Variants in ANKS1A observed in about 807,000 individuals in gnomAD.
ANKS1A encodes ankyrin repeat and sterile alpha motif domain containing 1A, also known as ankyrin repeat and SAM domain-containing protein 1A.
In ANKS1A, 55 loss-of-function variants were observed where a neutral mutation model predicts 120.3. The observed-to-expected ratio is 0.46, with a 90% CI of 0.37 to 0.57. ANKS1A has a LOEUF of 0.57. ANKS1A is among the 20% of genes least tolerant of loss of function. ANKS1A has a pLI of 0.00. For synonymous variants in ANKS1A, 590 were observed against 604.7 expected (o/e 0.98, Z 0.36); for missense variants, 1,123 against 1,480.3 (o/e 0.76, Z 3.96).
intron 13 of ANKS1A, among the ~76,000 whole-genome samples, chr6:35,065,939 A>G (rs1242591366): frequency 1.3e-5 from 2 of 152,094 alleles, no homozygotes; most frequent in African/African-American, 4.8e-5. Flanking sequence ...CCTGCTCTCT[A>G]TGAAGCTCCG....
chr6:34,928,620 C>T (rs550881505), intron 1 of ANKS1A, among the ~76,000 whole-genome samples: 43 of 152,180 alleles, frequency 2.8e-4, no homozygotes, highest in African/African-American at 8.4e-4. Flanking sequence ...CACAACCCAC[C>T]CCTATTAGGA....
the ANKS1A span, among the ~76,000 whole-genome samples, chr6:35,097,035 ATTTTT>A: frequency 7.3e-5 from 11 of 150,326 alleles, no homozygotes; most frequent in African/African-American, 2.7e-4. Context: ...ATTCCAGCCA[ATTTTT>A]TTTTTTTTAT....
At position 35,058,468 on chromosome 6, in the gene ANKS1A, G is replaced by A. The variant is rs1011121305; in HGVS notation, c.2078-1679G>A. 2 of 152,270 alleles carry A rather than the reference G, an allele frequency of 1.3e-5. No individual in the cohort carries two copies. The highest frequency in any genetic ancestry group is 4.8e-5 in the African/African-American group (2 of 41,464). 9.4% of individuals were successfully genotyped at this position (152,270 alleles called of 1,614,324 possible). A position where few individuals can be genotyped will look rare whatever the true frequency, so the allele number is the denominator to read the frequency against. On this transcript the variant is annotated intron_variant, in intron 12 of 23. Coordinates refer to ENST00000360359, the MANE Select transcript of ANKS1A (RefSeq NM_015245.3). This position sits in a 1 kb window ranked among gnomAD's most constrained non-coding sequence, Gnocchi z 5.1. The stretch of plus-strand genomic sequence containing the variant: ...AAGTATCCCCCAGACTCGGCATCTT[G>A]GAGCGCTGCGGCAGCGTGCATCCAG...
In ANKS1A at chr6:34,889,526, GGCGGCGGCGGCGGCA is replaced by G. The variant is rs775301844; in HGVS notation, c.139_153del (p.Ser47_Gly51del). 1.8e-5 allele frequency: 22 copies of G among 1,242,868 alleles called. 2 individuals are homozygous for G. The South Asian group carries it at 3.3e-4, about 19-fold the overall frequency. The allele number at this position is 1,242,868 out of a possible 1,614,324, so 77.0% of individuals were successfully genotyped here. On this transcript the variant is annotated inframe_deletion, in exon 1 of 24. Coordinates refer to ENST00000360359, the MANE Select transcript of ANKS1A (RefSeq NM_015245.3). This position sits in a 1 kb window ranked among gnomAD's most constrained non-coding sequence, Gnocchi z 5.5. ...GGGCGGCGGCGGCGGTGGCTCTGGGGGCGGCGGCGGCGGCAGCGGCGGCGGCGGCGGCGGCCTCGG... is the reference window on the plus strand; with the variant it reads ...GGGCGGCGGCGGCGGTGGCTCTGGGGGCGGCGGCGGCGGCGGCGGCCTCGG...
At chr6:34,967,185 T>C in intron 1 of ANKS1A, 54 bp from the exon 2 acceptor site, 2 of 1,582,340 alleles carry the variant, frequency 1.3e-6, no homozygotes, top group South Asian at 2.3e-5. Flanking sequence ...TAACTTTGGT[T>C]TGTGACTTCG....
chr6:35,023,494 A>C (rs1182028875), intron 11 of ANKS1A: 1 of 258,058 alleles, frequency 3.9e-6, no homozygotes, highest in Middle Eastern at 9.8e-4. Flanking sequence ...TTTAACTGGA[A>C]GCACCAGAGC....
chr6:34,893,850 A>G (rs1766938879), intron 1 of ANKS1A, among the ~76,000 whole-genome samples: 1 of 152,222 alleles, frequency 6.6e-6, no homozygotes. Flanking sequence ...TCTTTGTGCT[A>G]TGATTTATGT....
At chr6:34,905,832 T>C (rs1022546021) in intron 1 of ANKS1A, among the ~76,000 whole-genome samples, 2 of 152,174 alleles carry the variant, frequency 1.3e-5, no homozygotes, top group African/African-American at 4.8e-5. Context: ...TCTGTTCTTG[T>C]TGTAGGATTT....
Position 35,079,527 on chromosome 6 carries a change from G to A in ANKS1A, c.2295G>A (p.Leu765=), listed in dbSNP as rs1486590195. Residue 765 remains leucine, a synonymous_variant, in exon 15 of 24, where the codon CTG becomes CTA. Coordinates refer to ENST00000360359, the MANE Select transcript of ANKS1A (RefSeq NM_015245.3). ...TCCTTGCCCTGTAGGTGAAGGCTCT[G>A]GGTTATGACGGGAACAGCCCCCCTA... ...AARSLPKVKA[L]GYDGNSPPSV... is the part of the protein sequence containing the mutation. 4.3e-6 allele frequency: 7 copies of A among 1,613,570 alleles called. No homozygotes were observed. Among genetic ancestry groups the A allele is most frequent in the Non-Finnish European group, 5.9e-6 (7 of 1,179,736 alleles).
At chr6:35,027,310 A>T (rs1774680069) in intron 11 of ANKS1A, among the ~76,000 whole-genome samples, 1 of 152,160 alleles carries the variant, frequency 6.6e-6, no homozygotes, top group Admixed American at 6.5e-5. Context: ...TGCCCTGATG[A>T]ATCTTAAATA....
intron 16 of ANKS1A, among the ~76,000 whole-genome samples, chr6:35,080,236 A>C (rs1777600998): frequency 8.1e-6 from 1 of 123,882 alleles, no homozygotes; most frequent in African/African-American, 2.5e-5. Flanking sequence ...AGACAAATCC[A>C]AAAGGCCAGG....
chr6:34,942,121 T>C (rs1023866236), intron 1 of ANKS1A, among the ~76,000 whole-genome samples: 1 of 152,256 alleles, frequency 6.6e-6, no homozygotes, highest in Middle Eastern at 3.2e-3. Context: ...TTTCATTTGC[T>C]TTCATAGTTT....
intron 9 of ANKS1A, among the ~76,000 whole-genome samples, chr6:34,991,755 C>CAT (rs1314721294): frequency 1.6e-4 from 4 of 24,784 alleles, no homozygotes; most frequent in African/African-American, 3.4e-4. Context: ...TATATACACA[C>CAT]ATATATATAT....
intron 14 of ANKS1A, 149 bp downstream of exon 14, chr6:35,078,805 G>T: frequency 1.4e-6 from 1 of 710,026 alleles, no homozygotes; most frequent in Non-Finnish European, 2.3e-6. Context: ...AGCTCCGGAA[G>T]GGCCGCACAC....
rs768997255 is a variant in ANKS1A at position 35,037,603 on chromosome 6, TG to T, written c.2011-16495del. On this transcript the variant is annotated intron_variant, in intron 11 of 23. Transcript: ENST00000360359. Reference sequence around the variant, plus strand: ...TAGATCAAGGGAGCTGGGGTATTTATGTACCACTTCCAGTCAGTCTGGGTGA... The same window carrying T: ...TAGATCAAGGGAGCTGGGGTATTTATTACCACTTCCAGTCAGTCTGGGTGA... Among the ~76,000 whole-genome samples, 12 of 152,300 alleles carry T rather than the reference TG, an allele frequency of 7.9e-5. No homozygotes were observed. In the South Asian group the frequency reaches 2.5e-3, roughly 32 times the overall value.
At chr6:35,040,382 C>A (rs1775396455) in intron 11 of ANKS1A, among the ~76,000 whole-genome samples, 1 of 152,238 alleles carries the variant, frequency 6.6e-6, no homozygotes, top group Admixed American at 6.5e-5. Context: ...GTCTTCCTTT[C>A]CTCCATTTCC....
chr6:34,976,998 T>C (rs928053374), intron 3 of ANKS1A, among the ~76,000 whole-genome samples: 4 of 152,198 alleles, frequency 2.6e-5, no homozygotes, highest in Admixed American at 6.5e-5. Context: ...CATTATCTAA[T>C]ATAGAATCCA....
chr6:34,938,321 C>T (rs1390014132), intron 1 of ANKS1A, among the ~76,000 whole-genome samples: 1 of 152,198 alleles, frequency 6.6e-6, no homozygotes, highest in African/African-American at 2.4e-5. Flanking sequence ...GGAGGAGTCT[C>T]CAATATCCTC....
chr6:35,074,396 T>C (rs1200141398), intron 13 of ANKS1A, among the ~76,000 whole-genome samples: 1 of 151,010 alleles, frequency 6.6e-6, no homozygotes, highest in African/African-American at 2.4e-5. Flanking sequence ...GCTTAGGGGT[T>C]CAAGACCAGC....
Sources: gnomAD v4.1 joint callset for allele counts (sites outside exome capture counted in the v4.1 genomes callset) on GRCh38, gnomAD v4.1.1 for gene constraint, Gnocchi (gnomAD v3.1) non-coding constraint, MANE v1.5 for transcripts, NCBI Gene and HGNC (gene_info 2026-07-23, HGNC 2026-07-21) for gene names.